The following PLEKHG2 variants were observed in gnomAD, a reference collection of about 807,000 sequenced individuals.
The protein encoded by PLEKHG2 is pleckstrin homology and RhoGEF domain containing G2.
Under a neutral mutation model 104.4 loss-of-function variants are expected in PLEKHG2, and 71 were observed. The observed-to-expected ratio is 0.68, with a 90% CI of 0.56 to 0.83. The LOEUF is 0.83. PLEKHG2 is among the 40% of genes least tolerant of loss of function. PLEKHG2 has a pLI of 0.00. For synonymous variants in PLEKHG2, 728 were observed against 737.0 expected (o/e 0.99, Z 0.20); for missense variants, 1,730 against 1,809.4 (o/e 0.96, Z 0.80).
Position 39,422,189 on chromosome 19 carries a change from C to T in PLEKHG2, c.1578C>T (p.Asp526=), listed in dbSNP as rs1407627261. The T allele has an allele frequency of 6.2e-7, 1 of 1,613,994 alleles. No individual in the cohort carries two copies. The highest frequency in any genetic ancestry group is 1.7e-5 in the Admixed American group (1 of 59,994). The change falls in exon 17 of 19, where the codon GAC becomes GAT. Residue 526 remains aspartate, a synonymous_variant. Transcript: ENST00000425673. ...PPVSGSAPPE[D]LEDAGPPTLD... Reference sequence around the variant, plus strand: ...TTTCAGGCTCTGCACCCCCTGAGGACCTGGAGGATGCTGGACCCCCAACAC... The same window carrying T: ...TTTCAGGCTCTGCACCCCCTGAGGATCTGGAGGATGCTGGACCCCCAACAC...
chr19:39,424,404 G>A lies in PLEKHG2; in HGVS notation c.3271G>A (p.Gly1091Ser). 6 of 1,614,086 alleles carry A rather than the reference G, an allele frequency of 3.7e-6. No homozygotes were observed. The highest frequency in any genetic ancestry group is 5.1e-6 in the Non-Finnish European group (6 of 1,180,010). The change falls in exon 19 of 19, where the codon GGC (glycine) becomes AGC (serine). Residue 1091 changes from glycine to serine, a missense_variant. Transcript: ENST00000425673. ...AAGCAGCCTGGATCCCCAGGGCCCA[G>A]GCGACACCCTACCACCCTTGCCATG... ...HGSSLDPQGP[G>S]DTLPPLPCHL...
Position 39,415,238 on chromosome 19 carries a change from G to A in PLEKHG2, c.356G>A (p.Arg119Lys), listed in dbSNP as rs2078583645. ...GTGGAGACAGAACGGGCCTATGTCA[G>A]GGACCTCCGCAGCATCGTGGAGGTA... ...EIVETERAYV[R>K]DLRSIVEDYL... The change falls in exon 3 of 19, where the codon AGG (arginine) becomes AAG (lysine). Residue 119 changes from arginine to lysine, a missense_variant. By Grantham distance (26) the Arg-to-Lys change is conservative (BLOSUM62 2). Transcript: ENST00000425673. This position sits in a 1 kb window ranked among gnomAD's most constrained non-coding sequence, Gnocchi z 4.6. 1.9e-6 allele frequency: 3 copies of A among 1,587,074 alleles called. No individual in the cohort carries two copies. Among genetic ancestry groups the A allele is most frequent in the Non-Finnish European group, 2.6e-6 (3 of 1,166,090 alleles).
intron 11 of PLEKHG2, among the ~76,000 whole-genome samples, chr19:39,420,346 C>A (rs2078678966): frequency 6.7e-6 from 1 of 148,824 alleles, no homozygotes; most frequent in African/African-American, 2.5e-5. Flanking sequence ...GCAACAAGAG[C>A]AAAATCTCCG....
chr19:39,425,769 C>T lies in PLEKHG2; in HGVS notation c.*475C>T, dbSNP rs915234757. On this transcript the variant is annotated 3_prime_UTR_variant, in exon 19 of 19. Transcript: ENST00000425673. ...TTCCCTTGGCAATTTATACAGTTCA[C>T]GTCTCCCACCATCCGTTCATCTCAC... The T allele has an allele frequency of 1.1e-5, 2 of 182,032 alleles. No homozygotes were observed. Among genetic ancestry groups the T allele is most frequent in the Non-Finnish European group, 1.1e-5 (1 of 88,886 alleles). 11.3% of individuals were successfully genotyped at this position (182,032 alleles called of 1,614,324 possible). A position where few individuals can be genotyped will look rare whatever the true frequency, so the allele number is the denominator to read the frequency against.
At position 39,417,978 on chromosome 19, in the gene PLEKHG2, C is replaced by A. The variant is rs202210221; in HGVS notation, c.956C>A (p.Ala319Glu). The A allele has an allele frequency of 1.3e-6, 2 of 1,545,286 alleles. No individual in the cohort carries two copies. Among genetic ancestry groups the A allele is most frequent in the Non-Finnish European group, 1.7e-6 (2 of 1,146,436 alleles). ...TTTGGGGAACTGGTGTTGGAGGGCG[C>A]GTTCCGAGGAGGCGGAGGGGGTGGC... ...SAFGELVLEG[A>E]FRGGGGGGPR... Residue 319 changes from alanine to glutamate, a missense_variant, in exon 9 of 19, where the codon GCG becomes GAG. Coordinates refer to ENST00000425673, the MANE Select transcript of PLEKHG2 (RefSeq NM_022835.3).
Position 39,423,018 on chromosome 19 carries a change from G to T in PLEKHG2, c.1964G>T (p.Arg655Leu). 1 of 1,614,104 alleles carries T rather than the reference G, an allele frequency of 6.2e-7. No homozygotes were observed. Among genetic ancestry groups the T allele is most frequent in the Non-Finnish European group, 8.5e-7 (1 of 1,180,002 alleles). ...CGCTGTGAAATTCCCGAAGGTTCTC[G>T]CCTTCCTAGTCTCTCTGACATTTCC... ...PSRCEIPEGS[R>L]LPSLSDISDV... The change falls in exon 18 of 19, where the codon CGC (arginine) becomes CTC (leucine). Residue 655 changes from arginine (R) to leucine (L), a missense_variant. By Grantham distance (102) the Arg-to-Leu change is moderately radical (BLOSUM62 -2). Transcript: ENST00000425673.
chr19:39,416,661 G>A lies in PLEKHG2; in HGVS notation c.593+64G>A, dbSNP rs187862524. 7.8e-5 allele frequency: 125 copies of A among 1,592,392 alleles called. No individual in the cohort carries two copies. Among genetic ancestry groups the A allele is most frequent in the African/African-American group, 3.8e-4 (28 of 74,570 alleles). ...CCACAAGCTGATGTGCCAGTCACCC[G>A]TCACCCTCCCTCTACCCCCGACCCA... is the stretch of plus-strand genomic sequence containing the variant. On this transcript the variant is annotated intron_variant, in intron 6 of 18. Coordinates refer to ENST00000425673, the MANE Select transcript of PLEKHG2 (RefSeq NM_022835.3). The surrounding 1 kb of genome is among the most constrained non-coding windows in gnomAD (Gnocchi z 4.5).
chr19:39,423,105 C>G lies in PLEKHG2; in HGVS notation c.2051C>G (p.Ser684Cys). The G allele has an allele frequency of 6.2e-7, 1 of 1,614,200 alleles. No homozygotes were observed. The change falls in exon 18 of 19, where the codon TCT (serine) becomes TGT (cysteine). Residue 684 changes from serine (S) to cysteine (C), a missense_variant. Coordinates refer to ENST00000425673, the MANE Select transcript of PLEKHG2 (RefSeq NM_022835.3). ...IPSVPNTPSL[S>C]STPTLSCDSW... is the part of the protein sequence containing the mutation. Reference sequence around the variant, plus strand: ...AGTGTCCCCAACACCCCCAGTCTGTCTAGCACTCCCACCCTCTCCTGTGAC... The same window carrying G: ...AGTGTCCCCAACACCCCCAGTCTGTGTAGCACTCCCACCCTCTCCTGTGAC...
Position 39,415,420 on chromosome 19 carries a change from G to C in PLEKHG2, c.460G>C (p.Asp154His). The C allele has an allele frequency of 6.2e-7, 1 of 1,614,112 alleles. No individual in the cohort carries two copies. The highest frequency in any genetic ancestry group is 8.5e-7 in the Non-Finnish European group (1 of 1,180,004). ...QVGTLFANIE[D>H]IYEFSSELLE... ...GGGCACGCTGTTTGCCAACATTGAG[G>C]ACATCTACGAGTTCAGCAGGTCAGG... Residue 154 changes from aspartate (D) to histidine (H), a missense_variant, in exon 4 of 19, where the codon GAC becomes CAC. By Grantham distance (81) the Asp-to-His change is moderately conservative. Coordinates refer to ENST00000425673, the MANE Select transcript of PLEKHG2 (RefSeq NM_022835.3). The surrounding 1 kb of genome is among the most constrained non-coding windows in gnomAD (Gnocchi z 4.6).
Position 39,425,745 on chromosome 19 carries a change from T to A in PLEKHG2, c.*451T>A, listed in dbSNP as rs530979394. ...CTTCAAGTAGACACTAGAAATCCAT[T>A]CCCTTGGCAATTTATACAGTTCACG... On this transcript the variant is annotated 3_prime_UTR_variant, in exon 19 of 19. Coordinates refer to ENST00000425673, the MANE Select transcript of PLEKHG2 (RefSeq NM_022835.3). The A allele has an allele frequency of 1.9e-4, 40 of 212,510 alleles. No individual in the cohort carries two copies. Among genetic ancestry groups the A allele is most frequent in the Non-Finnish European group, 3.2e-4 (35 of 108,544 alleles). The allele number at this position is 212,510 out of a possible 1,614,324, so 13.2% of individuals were successfully genotyped here.
intron 14 of PLEKHG2, 35 bp downstream of exon 14, chr19:39,421,031 G>A (rs370222225): frequency 7.4e-6 from 12 of 1,613,980 alleles, no homozygotes; most frequent in African/African-American, 6.7e-5. Flanking sequence ...TCCAGGCATC[G>A]GGGTGGGAGC....
chr19:39,419,993 C>T (rs1293413354), intron 11 of PLEKHG2, among the ~76,000 whole-genome samples: 1 of 152,096 alleles, frequency 6.6e-6, no homozygotes, highest in Non-Finnish European at 1.5e-5. Context: ...GCGGAACTTG[C>T]GGTGAGCCGA....
Position 39,422,905 on chromosome 19 carries a change from G to C in PLEKHG2, c.1851G>C (p.Gly617=). ...CTTCCCCACTCCACGTCCTGGAAGG[G>C]CTCGAAAGTTCCATTGCAGCTGAAA... ...RGPSPLHVLE[G]LESSIAAEMP... is the part of the protein sequence containing the mutation. The change falls in exon 18 of 19, where the codon GGG becomes GGC. Residue 617 remains glycine (G), a synonymous_variant. Transcript: ENST00000425673. The C allele has an allele frequency of 6.2e-7, 1 of 1,604,100 alleles. No homozygotes were observed. The highest frequency in any genetic ancestry group is 8.5e-7 in the Non-Finnish European group (1 of 1,174,092).
chr19:39,423,507 G>C lies in PLEKHG2; in HGVS notation c.2453G>C (p.Arg818Pro), dbSNP rs376239611. The C allele has an allele frequency of 8.9e-6, 14 of 1,580,322 alleles. No individual in the cohort carries two copies. Among genetic ancestry groups the C allele is most frequent in the Non-Finnish European group, 1.2e-5 (14 of 1,161,280 alleles). The change falls in exon 18 of 19, where the codon CGA (arginine) becomes CCA (proline). Residue 818 changes from arginine to proline, a missense_variant. Arg to Pro is a moderately radical substitution (Grantham distance 103). Transcript: ENST00000425673. ...TCAGAAAGGACGGCGTCCCGAGTGC[G>C]AGAGCTGGCCCGGCTTTACAGCGAG... ...PSSERTASRV[R>P]ELARLYSERI...
At chr19:39,419,859 AAC>A (rs2078670040) in intron 11 of PLEKHG2, among the ~76,000 whole-genome samples, 1 of 150,550 alleles carries the variant, frequency 6.6e-6, no homozygotes, top group Admixed American at 6.6e-5. Context: ...CAGACTGGGC[AAC>A]AGAGTGAGCC....
chr19:39,414,981 C>T lies in PLEKHG2; in HGVS notation c.110-11C>T, dbSNP rs1009183817. Reference sequence around the variant, plus strand: ...GAGATTTCTCTGACCTCCTGTTCCACACCCCAGCAGCTCCTGCAGCCCCCA... The same window carrying T: ...GAGATTTCTCTGACCTCCTGTTCCATACCCCAGCAGCTCCTGCAGCCCCCA... On this transcript the variant is annotated splice_polypyrimidine_tract_variant and intron_variant, in intron 2 of 18. Transcript: ENST00000425673. 47 of 1,580,966 alleles carry T rather than the reference C, an allele frequency of 3.0e-5. No individual in the cohort carries two copies. Among genetic ancestry groups the T allele is most frequent in the Middle Eastern group, 1.7e-4 (1 of 5,946 alleles).
chr19:39,415,562 G>C lies in PLEKHG2; in HGVS notation c.479+123G>C. On this transcript the variant is annotated intron_variant, in intron 4 of 18. Transcript: ENST00000425673. This position sits in a 1 kb window ranked among gnomAD's most constrained non-coding sequence, Gnocchi z 4.6. ...TACGTGGGGTTGTGACATTGGGCAA[G>C]GATCAGGGATCACGACTGGGAGGGA... The C allele has an allele frequency of 9.0e-7, 1 of 1,105,058 alleles. No individual in the cohort carries two copies. Among genetic ancestry groups the C allele is most frequent in the Non-Finnish European group, 1.3e-6 (1 of 768,948 alleles). 68.5% of individuals were successfully genotyped at this position (1,105,058 alleles called of 1,614,324 possible).
At position 39,416,803 on chromosome 19, in the gene PLEKHG2, C is replaced by T. The variant is rs1228455273; in HGVS notation, c.594-47C>T. On this transcript the variant is annotated intron_variant, in intron 6 of 18. Coordinates refer to ENST00000425673, the MANE Select transcript of PLEKHG2 (RefSeq NM_022835.3). This position sits in a 1 kb window ranked among gnomAD's most constrained non-coding sequence, Gnocchi z 4.5. ...GCCCCTCCCTAACCCCTCTTGACCCCGCCCACTGGAACTGACAATCCCCAC... is the reference window on the plus strand; with the variant it reads ...GCCCCTCCCTAACCCCTCTTGACCCTGCCCACTGGAACTGACAATCCCCAC... 9 of 1,554,208 alleles carry T rather than the reference C, an allele frequency of 5.8e-6. No individual in the cohort carries two copies. Among genetic ancestry groups the T allele is most frequent in the African/African-American group, 1.4e-5 (1 of 73,486 alleles).
chr19:39,426,904 C>G lies in PLEKHG2; in HGVS notation c.*1610C>G, dbSNP rs900316131. 1 of 150,676 alleles carries G rather than the reference C, an allele frequency of 6.6e-6. No individual in the cohort carries two copies. The highest frequency in any genetic ancestry group is 6.6e-5 in the Admixed American group (1 of 15,088). 9.3% of individuals were successfully genotyped at this position (150,676 alleles called of 1,614,324 possible). ...TGTCACCCAGGCTTGAGTGCAGTGG[C>G]AAAATCTTGGCTCATTGCAACCTCC... On this transcript the variant is annotated 3_prime_UTR_variant, in exon 19 of 19. Coordinates refer to ENST00000425673, the MANE Select transcript of PLEKHG2 (RefSeq NM_022835.3).
Sources: allele counts gnomAD v4.1 joint callset (sites outside exome capture counted in the v4.1 genomes callset), GRCh38; gene constraint gnomAD v4.1.1; non-coding constraint Gnocchi (gnomAD v3.1); transcripts MANE v1.5; gene names NCBI Gene and HGNC (gene_info 2026-07-23, HGNC 2026-07-21).